The following ARHGAP29 variants were observed in gnomAD, a reference collection of about 807,000 sequenced individuals.
ARHGAP29 encodes the protein rho GTPase-activating protein 29.
ARHGAP29 carries 43 observed loss-of-function variants against 122.6 expected under a neutral mutation model. The observed-to-expected ratio is 0.35, with a 90% CI of 0.27 to 0.45. The LOEUF is 0.45. Ranked by LOEUF, ARHGAP29 falls within the 20% of genes least tolerant of loss-of-function variation. ARHGAP29 has a pLI of 1.00. For synonymous variants in ARHGAP29, 506 were observed against 497.1 expected (o/e 1.02, Z -0.24); for missense variants, 1,303 against 1,477.2 (o/e 0.88, Z 1.93).
intron 1 of ARHGAP29, among the ~76,000 whole-genome samples, chr1:94,249,880 G>T (rs1374021785): frequency 3.3e-5 from 5 of 152,136 alleles, no homozygotes; most frequent in Non-Finnish European, 7.3e-5. Flanking sequence ...TAGATTGAAA[G>T]TTCCACAGTA....
intron 3 of ARHGAP29, among the ~76,000 whole-genome samples, chr1:94,217,769 C>T (rs991706521): frequency 2.0e-5 from 3 of 152,022 alleles, no homozygotes; most frequent in Non-Finnish European, 4.4e-5. Context: ...GGATTGCTTG[C>T]GTTCCGGAGT....
At chr1:94,229,567 GAGTT>G (rs1199049517) in intron 2 of ARHGAP29, among the ~76,000 whole-genome samples, 4 of 151,602 alleles carry the variant, frequency 2.6e-5, no homozygotes. Context: ...GCATACTACT[GAGTT>G]GGTTATCAAA....
upstream of ARHGAP29, among the ~76,000 whole-genome samples, chr1:94,239,857 T>G (rs556161767): frequency 2.6e-5 from 4 of 152,268 alleles, no homozygotes; most frequent in South Asian, 8.3e-4. Flanking sequence ...TTTTTAAAAT[T>G]TTTTCCATTA....
At chr1:94,259,928 G>A (rs551530904) in intron 1 of ARHGAP29, among the ~76,000 whole-genome samples, 1 of 152,330 alleles carries the variant, frequency 6.6e-6, no homozygotes, top group Non-Finnish European at 1.5e-5. Context: ...CTGACTCACT[G>A]TTGGCCGAAG....
In ARHGAP29 at chr1:94,168,975, T is replaced by G. The variant is rs987668997; in HGVS notation, c.*4894A>C. 1.3e-5 allele frequency among the ~76,000 whole-genome samples: 2 copies of G among 152,234 alleles called. No individual in the cohort carries two copies. The highest frequency in any genetic ancestry group is 2.4e-5 in the African/African-American group (1 of 41,452). ...TTTTATGGATGCAGAGTAGATTGGTTGAGTGTGAGGACACTTAAAAATAGC... is the reference window on the plus strand; with the variant it reads ...TTTTATGGATGCAGAGTAGATTGGTGGAGTGTGAGGACACTTAAAAATAGC... On this transcript the variant is annotated 3_prime_UTR_variant, in exon 23 of 23. Transcript: ENST00000260526.
intron 22 of ARHGAP29, chr1:94,177,214 A>C (rs547594586): frequency 6.5e-5 from 10 of 154,884 alleles, no homozygotes; most frequent in African/African-American, 1.9e-4. Flanking sequence ...AAAGTTTTTG[A>C]ATTTCAGGAG....
chr1:94,293,424 C>G, the ARHGAP29 span, among the ~76,000 whole-genome samples: 1 of 152,210 alleles, frequency 6.6e-6, no homozygotes, highest in Non-Finnish European at 1.5e-5. Flanking sequence ...ATCCCCCGAC[C>G]CTTTGCACTT....
chr1:94,269,794 T>C (rs185432867), intron 1 of ARHGAP29, among the ~76,000 whole-genome samples: 7 of 152,292 alleles, frequency 4.6e-5, no homozygotes, highest in Middle Eastern at 3.4e-3. Context: ...GCTTGTATTC[T>C]AGTTGGGGAG....
At chr1:94,189,191 C>G (rs1260418009) in intron 14 of ARHGAP29, 25 bp downstream of exon 14, 1 of 1,575,100 alleles carries the variant, frequency 6.3e-7, no homozygotes, top group Non-Finnish European at 8.6e-7. Flanking sequence ...TATAAATTAG[C>G]ACTCTCTTTA....
chr1:94,179,149 C>T (rs554603634), intron 20 of ARHGAP29, among the ~76,000 whole-genome samples: 1 of 152,162 alleles, frequency 6.6e-6, no homozygotes, highest in Non-Finnish European at 1.5e-5. Context: ...GTTTAGCCAG[C>T]CAGAGCCTGG....
intron 1 of ARHGAP29, among the ~76,000 whole-genome samples, chr1:94,274,856 A>G (rs943489977): frequency 6.6e-6 from 1 of 152,200 alleles, no homozygotes; most frequent in Non-Finnish European, 1.5e-5. Context: ...CAGGCCCTTT[A>G]CAGTCTCATG....
chr1:94,253,148 G>A (rs1557889851), intron 1 of ARHGAP29, among the ~76,000 whole-genome samples: 1 of 151,910 alleles, frequency 6.6e-6, no homozygotes, highest in Admixed American at 6.6e-5. Flanking sequence ...TTTTTTGTAT[G>A]TTTAGTAGAG....
the ARHGAP29 span, among the ~76,000 whole-genome samples, chr1:94,313,142 A>G: frequency 6.6e-6 from 1 of 151,608 alleles, no homozygotes; most frequent in African/African-American, 2.4e-5. Flanking sequence ...TGACAACTTC[A>G]CTCTTCTAGT....
chr1:94,227,618 C>T (rs557961006), intron 2 of ARHGAP29, among the ~76,000 whole-genome samples: 14 of 151,806 alleles, frequency 9.2e-5, no homozygotes, highest in Non-Finnish European at 1.8e-4. Context: ...ATTAAAAGGC[C>T]TTTACATTTT....
the ARHGAP29 span, among the ~76,000 whole-genome samples, chr1:94,310,679 G>A: frequency 1.3e-5 from 2 of 151,916 alleles, no homozygotes; most frequent in East Asian, 1.9e-4. Context: ...CACTTTCTTC[G>A]TTGGTTAGCT....
rs1397666204 is a variant in ARHGAP29, at chr1:94,179,954, G to T, written c.2251C>A (p.Pro751Thr). The T allele has an allele frequency of 1.3e-6, 2 of 1,584,236 alleles. No individual in the cohort carries two copies. Among genetic ancestry groups the T allele is most frequent in the African/African-American group, 1.4e-5 (1 of 73,176 alleles). ...DVLKLYLRQLPEPFILFRLYK... is the reference protein window; with the variant it reads ...DVLKLYLRQLTEPFILFRLYK... ...AATCGAAATAAAATAAATGGTTCTG[G>T]GAGCTAAAGAAATAAAATTACATTG... The change falls in exon 20 of 23, where the codon CCA becomes ACA. Residue 751 changes from proline (P) to threonine (T), a missense_variant. Transcript: ENST00000260526.
the ARHGAP29 span, among the ~76,000 whole-genome samples, chr1:94,295,079 G>C: frequency 1.5e-3 from 222 of 152,270 alleles, no homozygotes; most frequent in Non-Finnish European, 2.4e-3. Flanking sequence ...AAGAAGGTTT[G>C]AAATTGTATT....
chr1:94,219,225 C>T (rs1258583129), intron 3 of ARHGAP29, among the ~76,000 whole-genome samples: 1 of 150,346 alleles, frequency 6.7e-6, no homozygotes, highest in Non-Finnish European at 1.5e-5. Flanking sequence ...TTTACCTTAT[C>T]GGTAGCATTT....
intron 1 of ARHGAP29, among the ~76,000 whole-genome samples, chr1:94,253,144 G>C (rs560404854): frequency 6.6e-6 from 1 of 152,122 alleles, no homozygotes; most frequent in East Asian, 1.9e-4. Flanking sequence ...CTAATTTTTT[G>C]TATGTTTAGT....
Sources: gnomAD v4.1 joint callset for allele counts (sites outside exome capture counted in the v4.1 genomes callset) on GRCh38, gnomAD v4.1.1 for gene constraint, MANE v1.5 for transcripts, NCBI Gene and HGNC (gene_info 2026-07-23, HGNC 2026-07-21) for gene names.